The following JAM2 variants were observed in gnomAD, a reference collection of about 807,000 sequenced individuals.
JAM2 encodes the protein junctional adhesion molecule B.
In JAM2, 17 loss-of-function variants were observed where a neutral mutation model predicts 42.0. The ratio of observed to expected loss-of-function variants is 0.40; its 90% confidence interval spans 0.28 to 0.61. JAM2 has a LOEUF of 0.61. JAM2 is among the 20% of genes least tolerant of loss of function. The pLI is 0.37. For synonymous variants in JAM2, 118 were observed against 128.6 expected (o/e 0.92, Z 0.56); for missense variants, 319 against 358.3 (o/e 0.89, Z 0.89).
intron 1 of JAM2, among the ~76,000 whole-genome samples, chr21:25,669,388 A>G (rs76885079): frequency 4.2e-5 from 4 of 94,306 alleles, no homozygotes; most frequent in African/African-American, 1.5e-4. Flanking sequence ...AAGAAAAAAA[A>G]GAAAAAAAGA....
intron 7 of JAM2, 33 bp downstream of exon 7, chr21:25,706,119 C>A (rs1212193718): frequency 2.4e-6 from 3 of 1,263,856 alleles, no homozygotes; most frequent in Non-Finnish European, 3.5e-6. Flanking sequence ...TGGCAGATAA[C>A]TTTCTATGGC....
chr21:25,709,481 C>G, intron 8 of JAM2, 32 bp downstream of exon 8: 2 of 1,403,698 alleles, frequency 1.4e-6, no homozygotes, highest in Non-Finnish European at 2.0e-6. Flanking sequence ...GCATGTCTTT[C>G]TCCTATGTCA....
chr21:25,678,645 A>G (rs2033555149), intron 1 of JAM2, among the ~76,000 whole-genome samples: 1 of 152,214 alleles, frequency 6.6e-6, no homozygotes, highest in South Asian at 2.1e-4. Context: ...TACAGCTGTC[A>G]ATAGAAAGGA....
At chr21:25,706,125 A>T (rs1260273738) in intron 7 of JAM2, 39 bp downstream of exon 7, 1 of 1,231,438 alleles carries the variant, frequency 8.1e-7, no homozygotes. Context: ...ATAACTTTCT[A>T]TGGCTATGGA....
At chr21:25,672,889 A>G (rs935408825) in intron 1 of JAM2, among the ~76,000 whole-genome samples, 4 of 152,246 alleles carry the variant, frequency 2.6e-5, no homozygotes, top group African/African-American at 9.6e-5. Flanking sequence ...ATTAGAACAC[A>G]GAATGGCCAA....
intron 1 of JAM2, among the ~76,000 whole-genome samples, chr21:25,667,220 C>T (rs2033245801): frequency 6.6e-6 from 1 of 152,148 alleles, no homozygotes; most frequent in African/African-American, 2.4e-5. Context: ...TAGAAGCTAC[C>T]CACCTGTTAG....
intron 6 of JAM2, among the ~76,000 whole-genome samples, chr21:25,702,744 A>C (rs1209150324): frequency 6.6e-6 from 1 of 152,218 alleles, no homozygotes; most frequent in Non-Finnish European, 1.5e-5. Context: ...CTGCTTTGAA[A>C]TTATCATTTA....
At chr21:25,714,442 G>T (rs1055926333) in intron 9 of JAM2, 198 bp from the exon 10 acceptor site, 3 of 497,834 alleles carry the variant, frequency 6.0e-6, no homozygotes, top group Admixed American at 3.9e-5. Context: ...AGGTTGCAGT[G>T]AGCTGAGATC....
chr21:25,663,535 C>T (rs1238950037), intron 1 of JAM2, among the ~76,000 whole-genome samples: 2 of 152,126 alleles, frequency 1.3e-5, no homozygotes, highest in Non-Finnish European at 2.9e-5. Flanking sequence ...ACTCTGCCTT[C>T]ATGAATGGAT....
chr21:25,664,360 C>T (rs111786496), intron 1 of JAM2, among the ~76,000 whole-genome samples: 2 of 152,136 alleles, frequency 1.3e-5, no homozygotes, highest in African/African-American at 2.4e-5. Context: ...CTCAGCCTCC[C>T]GAGTAGCTGG....
intron 1 of JAM2, among the ~76,000 whole-genome samples, chr21:25,680,116 A>G (rs17001286): frequency 8.5e-5 from 13 of 152,130 alleles, no homozygotes; most frequent in African/African-American, 3.1e-4. Context: ...TCAAGGGTCC[A>G]TCAAGGTCCT....
intron 1 of JAM2, among the ~76,000 whole-genome samples, chr21:25,646,200 C>A (rs1315362500): frequency 1.3e-5 from 2 of 152,036 alleles, no homozygotes; most frequent in African/African-American, 2.4e-5. Flanking sequence ...CATTGTTGAC[C>A]AAAATGTCAT....
intron 1 of JAM2, among the ~76,000 whole-genome samples, chr21:25,678,821 A>T (rs2033560122): frequency 6.6e-6 from 1 of 152,172 alleles, no homozygotes; most frequent in Non-Finnish European, 1.5e-5. Context: ...AAAAATATAT[A>T]TTTTGAGTCA....
chr21:25,649,619 G>A (rs908903243), intron 1 of JAM2, among the ~76,000 whole-genome samples: 3 of 152,110 alleles, frequency 2.0e-5, no homozygotes, highest in Non-Finnish European at 4.4e-5. Flanking sequence ...TCTACTCTCT[G>A]GAGCAGGGAA....
At chr21:25,684,981 C>T (rs1484746616) in intron 2 of JAM2, among the ~76,000 whole-genome samples, 1 of 152,116 alleles carries the variant, frequency 6.6e-6, no homozygotes, top group Non-Finnish European at 1.5e-5. Context: ...ATTGGGCAAT[C>T]AGAAGAATTA....
Position 25,639,857 on chromosome 21 carries a change from G to A in JAM2, c.36G>A (p.Leu12=), listed in dbSNP as rs750156039. ...ARRSRHRLLL[L]LLRYLVVALG... is the part of the protein sequence containing the mutation. ...GGAGCCGCCACCGCCTCCTCCTGCT[G>A]CTGCTGCGCTACCTGGTGGTCGCCC... Residue 12 remains leucine (L), a synonymous_variant, in exon 1 of 10, where the codon CTG becomes CTA. Transcript: ENST00000480456. 9 of 1,595,028 alleles carry A rather than the reference G, an allele frequency of 5.6e-6. No individual in the cohort carries two copies. Among genetic ancestry groups the A allele is most frequent in the Non-Finnish European group, 7.7e-6 (9 of 1,172,366 alleles).
intron 8 of JAM2, chr21:25,711,379 T>G (rs896079842): frequency 8.8e-6 from 4 of 455,740 alleles, no homozygotes; most frequent in Non-Finnish European, 1.3e-5. Flanking sequence ...CTGGCAGACC[T>G]AACTTTGGCT....
chr21:25,650,566 C>T (rs567454126), intron 1 of JAM2, among the ~76,000 whole-genome samples: 1 of 152,284 alleles, frequency 6.6e-6, no homozygotes, highest in East Asian at 1.9e-4. Context: ...TATCCTACTT[C>T]ATTTCTTAAA....
Position 25,688,525 on chromosome 21 carries a change from G to T in JAM2, c.134-1341G>T, listed in dbSNP as rs770611763. 4.6e-5 allele frequency among the ~76,000 whole-genome samples: 7 copies of T among 152,196 alleles called. 1 individual carries two copies. Among genetic ancestry groups the T allele is most frequent in the Non-Finnish European group, 1.0e-4 (7 of 68,042 alleles). On this transcript the variant is annotated intron_variant, in intron 2 of 9. Coordinates refer to ENST00000480456, the MANE Select transcript of JAM2 (RefSeq NM_021219.4). ...AACAGAAAAGAACTGTGTTTCCTCA[G>T]ACAGGTCCCTTAGCACACGTTTGTC...
Sources: gnomAD v4.1 joint callset for allele counts (sites outside exome capture counted in the v4.1 genomes callset) on GRCh38, gnomAD v4.1.1 for gene constraint, MANE v1.5 for transcripts, NCBI Gene and HGNC (gene_info 2026-07-23, HGNC 2026-07-21) for gene names.